The following TTC27 variants were observed in gnomAD, a reference collection of about 807,000 sequenced individuals.
The protein encoded by TTC27 is tetratricopeptide repeat domain 27, also known as tetratricopeptide repeat protein 27.
TTC27 carries 79 observed loss-of-function variants against 115.9 expected under a neutral mutation model. That is an observed-to-expected ratio of 0.68 (90% CI 0.57 to 0.82). TTC27 has a LOEUF of 0.82. TTC27 is among the 40% of genes least tolerant of loss of function. The pLI, the probability that TTC27 is intolerant of heterozygous loss-of-function variation, is 0.00. For missense variants in TTC27, 1,054 were observed against 993.1 expected, an observed-to-expected ratio of 1.06 and a Z score of -0.82; for synonymous variants, 401 against 356.0, an observed-to-expected ratio of 1.13 and a Z score of -1.42.
chr2:32,682,668 C>CT (rs3077159), intron 9 of TTC27, among the ~76,000 whole-genome samples: 19,321 of 127,480 alleles, frequency 0.15, 1,809 homozygotes, highest in South Asian at 0.32. Flanking sequence ...TAATAGAAGT[C>CT]TTTTTTTTTT....
At chr2:32,749,756 T>A (rs1027901958) in intron 12 of TTC27, among the ~76,000 whole-genome samples, 3 of 152,252 alleles carry the variant, frequency 2.0e-5, no homozygotes, top group Non-Finnish European at 4.4e-5. Flanking sequence ...TAAGCTTTTA[T>A]TTCTTTCTCT....
chr2:32,639,062 G>T (rs980569090), intron 3 of TTC27, among the ~76,000 whole-genome samples: 8 of 151,940 alleles, frequency 5.3e-5, no homozygotes, highest in Non-Finnish European at 4.4e-5. Context: ...TTGATCTCCT[G>T]ACCTCGTGAT....
intron 12 of TTC27, among the ~76,000 whole-genome samples, chr2:32,738,767 A>T (rs549425391): frequency 6.6e-6 from 1 of 152,350 alleles, no homozygotes; most frequent in East Asian, 1.9e-4. Flanking sequence ...CCATCAGATA[A>T]ATCATCACAA....
chr2:32,764,251 A>G (rs577757266), intron 13 of TTC27, among the ~76,000 whole-genome samples: 1 of 152,338 alleles, frequency 6.6e-6, no homozygotes, highest in African/African-American at 2.4e-5. Flanking sequence ...AGCATACCAC[A>G]GAGATACTGT....
Position 32,682,972 on chromosome 2 carries a change from G to A in TTC27, c.1119+4050G>A, listed in dbSNP as rs533489408. Among the ~76,000 whole-genome samples, 5 of 146,398 alleles carry A rather than the reference G, an allele frequency of 3.4e-5. No individual in the cohort carries two copies. The South Asian group carries it at 1.1e-3, about 33-fold the overall frequency. ...GGGTTCATGCCATTCTCCTGCCTCAGCCTCCTGAGTAGCTGGGACTACAGG... is the reference window on the plus strand; with the variant it reads ...GGGTTCATGCCATTCTCCTGCCTCAACCTCCTGAGTAGCTGGGACTACAGG... On this transcript the variant is annotated intron_variant, in intron 9 of 19. Coordinates refer to ENST00000317907, the MANE Select transcript of TTC27 (RefSeq NM_017735.5).
At chr2:32,739,054 T>C (rs1242904773) in intron 12 of TTC27, among the ~76,000 whole-genome samples, 2 of 152,216 alleles carry the variant, frequency 1.3e-5, no homozygotes, top group African/African-American at 4.8e-5. Flanking sequence ...CATCTCAAAT[T>C]TGATGAAATA....
intron 13 of TTC27, among the ~76,000 whole-genome samples, chr2:32,760,793 A>G (rs1669409313): frequency 6.6e-6 from 1 of 152,162 alleles, no homozygotes; most frequent in South Asian, 2.1e-4. Flanking sequence ...AATCAGTGCC[A>G]GGTGCCTCAC....
chr2:32,736,597 C>A (rs746579347), intron 11 of TTC27, 97 bp from the exon 12 acceptor site: 10 of 1,315,514 alleles, frequency 7.6e-6, no homozygotes, highest in Non-Finnish European at 1.1e-5. Flanking sequence ...TTACAATAAG[C>A]AGACCCCTAA....
intron 16 of TTC27, among the ~76,000 whole-genome samples, chr2:32,787,375 G>A (rs1423680983): frequency 6.6e-6 from 1 of 152,154 alleles, no homozygotes; most frequent in Non-Finnish European, 1.5e-5. Flanking sequence ...CTCTGACTCA[G>A]TTATGAAAAT....
chr2:32,812,998 G>A (rs1209054357), intron 18 of TTC27, among the ~76,000 whole-genome samples: 1 of 152,108 alleles, frequency 6.6e-6, no homozygotes, highest in Non-Finnish European at 1.5e-5. Flanking sequence ...GGGGTACATA[G>A]CAGTATGCAG....
rs747975631 is a variant in TTC27, at chr2:32,666,621, T to C, written c.806-14T>C. ...ATGGGTAAGTCAGTAGATATAATTT[T>C]ATTGTTTTTTCAGGTGCTTTGGGAA... On this transcript the variant is annotated splice_polypyrimidine_tract_variant and intron_variant, in intron 6 of 19. Coordinates refer to ENST00000317907, the MANE Select transcript of TTC27 (RefSeq NM_017735.5). 1 of 1,613,644 alleles carries C rather than the reference T, an allele frequency of 6.2e-7. No homozygotes were observed. The highest frequency in any genetic ancestry group is 8.5e-7 in the Non-Finnish European group (1 of 1,179,746).
chr2:32,711,361 G>A (rs541053436), intron 10 of TTC27, among the ~76,000 whole-genome samples: 1 of 152,266 alleles, frequency 6.6e-6, no homozygotes, highest in East Asian at 1.9e-4. Context: ...CAGAAATCTT[G>A]GAAATTAGTC....
intron 13 of TTC27, among the ~76,000 whole-genome samples, chr2:32,763,464 C>T (rs147082994): frequency 6.6e-5 from 10 of 152,292 alleles, no homozygotes; most frequent in East Asian, 1.9e-4. Flanking sequence ...ATGGCTTCTG[C>T]ACCTCTTAAT....
rs1169882777 is a variant in TTC27 at position 32,650,190 on chromosome 2, C to T, written c.597C>T (p.Arg199=). The change falls in exon 5 of 20, where the codon CGC becomes CGT. Residue 199 remains arginine, a synonymous_variant. Coordinates refer to ENST00000317907, the MANE Select transcript of TTC27 (RefSeq NM_017735.5). ...VNIHQHLLEE[R]SPLLFTLAEN... ...TTCATCAGCATTTGCTTGAGGAACG[C>T]TCACCTCTGCTTTTTACTCTTGCCG... The T allele has an allele frequency of 6.2e-7, 1 of 1,613,858 alleles. No individual in the cohort carries two copies.
intron 12 of TTC27, among the ~76,000 whole-genome samples, chr2:32,749,743 A>T (rs1668947392): frequency 6.6e-6 from 1 of 152,184 alleles, no homozygotes; most frequent in African/African-American, 2.4e-5. Context: ...TGACTAAGAA[A>T]TCTAAGCTTT....
At chr2:32,811,860 G>A (rs1256643460) in intron 17 of TTC27, among the ~76,000 whole-genome samples, 2 of 152,116 alleles carry the variant, frequency 1.3e-5, no homozygotes, top group Admixed American at 1.3e-4. Context: ...TACTCCTTGC[G>A]TGGGTTTGGA....
chr2:32,734,609 T>C (rs1465304593), intron 11 of TTC27, among the ~76,000 whole-genome samples: 1 of 152,178 alleles, frequency 6.6e-6, no homozygotes, highest in Non-Finnish European at 1.5e-5. Flanking sequence ...TCCTGTATTA[T>C]AGGTGTAGTT....
intron 13 of TTC27, among the ~76,000 whole-genome samples, chr2:32,772,718 T>C (rs7569932): frequency 0.13 from 20,074 of 152,240 alleles, 1,590 homozygotes; most frequent in African/African-American, 0.22. Context: ...TATTTTCAAT[T>C]TATGATGGAT....
At chr2:32,721,637 T>TC (rs1667930161) in intron 10 of TTC27, among the ~76,000 whole-genome samples, 1 of 150,948 alleles carries the variant, frequency 6.6e-6, no homozygotes, top group African/African-American at 2.4e-5. Context: ...TTTTTTTTTT[T>TC]CTTTTAGAGG....
Sources: allele counts gnomAD v4.1 joint callset (sites outside exome capture counted in the v4.1 genomes callset), GRCh38; gene constraint gnomAD v4.1.1; transcripts MANE v1.5; gene names NCBI Gene and HGNC (gene_info 2026-07-23, HGNC 2026-07-21).